The following MAPK1IP1L variants were observed in gnomAD, a reference collection of about 807,000 sequenced individuals.
The protein encoded by MAPK1IP1L is mitogen-activated protein kinase 1 interacting protein 1 like.
A neutral mutation model predicts 18.1 loss-of-function variants in MAPK1IP1L; 10 were observed. The observed-to-expected ratio is 0.55, with a 90% confidence interval of 0.34 to 0.94. The LOEUF (loss-of-function observed/expected upper bound fraction) is 0.94. Ranked by LOEUF, MAPK1IP1L falls within the 40% of genes least tolerant of loss-of-function variation. The probability of loss-of-function intolerance (pLI) is 0.02; values close to 1 mark genes in which losing one functional copy is unlikely to be tolerated. For synonymous variants in MAPK1IP1L, 115 were observed against 117.3 expected, an observed-to-expected ratio of 0.98 and a Z score of 0.13; for missense variants, 260 against 318.2, an observed-to-expected ratio of 0.82 and a Z score of 1.39.
At chr14:55,055,311 TCTC>T (rs2042762684) in intron 1 of MAPK1IP1L, among the ~76,000 whole-genome samples, 2 of 152,140 alleles carry the variant, frequency 1.3e-5, no homozygotes, top group Admixed American at 6.5e-5. Flanking sequence ...GTTCTGCAAC[TCTC>T]CTCATATTGA....
rs2042861006 is a variant in MAPK1IP1L at position 55,066,243 on chromosome 14, T to C, written c.*1616T>C. 6.6e-6 allele frequency: 1 copy of C among 152,228 alleles called. No homozygotes were observed. Among genetic ancestry groups the C allele is most frequent in the Non-Finnish European group, 1.5e-5 (1 of 68,044 alleles). The allele number at this position is 152,228 out of a possible 1,614,324, so 9.4% of individuals were successfully genotyped here. On this transcript the variant is annotated 3_prime_UTR_variant, in exon 4 of 4. Transcript: ENST00000395468. ...GCTGCCAGTTTTTTGGTTTGATAGC[T>C]ACCTCCTTCTAAGAAAGCAAAATGG...
rs757107829 is a variant in MAPK1IP1L at position 55,067,064 on chromosome 14, A to ATT, written c.*2457_*2458dup. 0.11 allele frequency: 14,696 copies of ATT among 128,164 alleles called. 1,109 individuals carry two copies. Among genetic ancestry groups the ATT allele is most frequent in the Non-Finnish European group, 0.17 (9,978 of 60,268 alleles). 7.9% of individuals were successfully genotyped at this position (128,164 alleles called of 1,614,324 possible). ...AGGTGCCCGCCACCATGCCCGGCTA[A>ATT]TTTTTTTTTTTTTTTTTTTTTAGTA... On this transcript the variant is annotated 3_prime_UTR_variant, in exon 4 of 4. Transcript: ENST00000395468.
intron 3 of MAPK1IP1L, chr14:55,064,033 T>TTTG (rs1348655243): frequency 9.0e-6 from 1 of 111,292 alleles, no homozygotes; most frequent in African/African-American, 4.1e-5. Flanking sequence ...TTTTTTTTTT[T>TTTG]GAGACAGTCT....
At chr14:55,059,598 A>G (rs1379643985) in intron 1 of MAPK1IP1L, among the ~76,000 whole-genome samples, 1 of 152,258 alleles carries the variant, frequency 6.6e-6, no homozygotes, top group African/African-American at 2.4e-5. Flanking sequence ...TAAAGTCCAC[A>G]ATATCTGTGG....
intron 2 of MAPK1IP1L, among the ~76,000 whole-genome samples, chr14:55,062,025 G>C (rs905469407): frequency 4.6e-5 from 7 of 152,210 alleles, no homozygotes; most frequent in African/African-American, 7.2e-5. Flanking sequence ...AGTTTACTGA[G>C]ATAATAGCAT....
At chr14:55,058,921 T>G (rs1435645539) in intron 1 of MAPK1IP1L, among the ~76,000 whole-genome samples, 1 of 151,698 alleles carries the variant, frequency 6.6e-6, no homozygotes, top group Non-Finnish European at 1.5e-5. Context: ...CTTTTAAGTA[T>G]TATAAATAAT....
rs771016615 is a variant in MAPK1IP1L at position 55,051,696 on chromosome 14, C to A, written c.-112C>A. On this transcript the variant is annotated 5_prime_UTR_variant, in exon 1 of 4. Transcript: ENST00000395468. ...AGCCGCGCGCTGCTGGTGCTGTTGC[C>A]GCCGCTGCTCTAGCTGCCGTCAGTC... 5 of 516,092 alleles carry A rather than the reference C, an allele frequency of 9.7e-6. No homozygotes were observed. The highest frequency in any genetic ancestry group is 5.5e-5 in the East Asian group (1 of 18,242). 32.0% of individuals were successfully genotyped at this position (516,092 alleles called of 1,614,324 possible). A position where few individuals can be genotyped will look rare whatever the true frequency, so the allele number is the denominator to read the frequency against.
At position 55,062,829 on chromosome 14, in the gene MAPK1IP1L, C is replaced by T; in HGVS notation, c.230C>T (p.Pro77Leu). 4 of 1,614,202 alleles carry T rather than the reference C, an allele frequency of 2.5e-6. No homozygotes were observed. Among genetic ancestry groups the T allele is most frequent in the Non-Finnish European group, 3.4e-6 (4 of 1,180,044 alleles). Residue 77 changes from proline to leucine, a missense_variant, in exon 3 of 4, where the codon CCC (proline) becomes CTC (leucine). Physicochemically the swap from Pro to Leu is moderately conservative, Grantham distance 98. Transcript: ENST00000395468. ...APTGMYPSVP[P>L]TGPPPGPPAP... The stretch of plus-strand genomic sequence containing the variant: ...ACAGGAATGTATCCCTCCGTGCCTC[C>T]CACCGGACCACCTCCAGGACCCCCA...
chr14:55,058,858 CAATAAA>C (rs987321313), intron 1 of MAPK1IP1L, among the ~76,000 whole-genome samples: 3 of 150,042 alleles, frequency 2.0e-5, no homozygotes, highest in Non-Finnish European at 4.4e-5. Context: ...TTGGGGGAAA[CAATAAA>C]AATAACCATA....
At position 55,058,898 on chromosome 14, in the gene MAPK1IP1L, T is replaced by C. The variant is rs188392253; in HGVS notation, c.-4-2782T>C. Among the ~76,000 whole-genome samples, 356 of 151,636 alleles carry C rather than the reference T, an allele frequency of 2.3e-3. 2 individuals are homozygous for C. Among genetic ancestry groups the C allele is most frequent in the African/African-American group, 8.3e-3 (342 of 41,444 alleles). On this transcript the variant is annotated intron_variant, in intron 1 of 3. Coordinates refer to ENST00000395468, the MANE Select transcript of MAPK1IP1L (RefSeq NM_144578.4). ...TAGAAAATATAAGTTAATATAATTA[T>C]ATAGTATTCACACTTTTAAGTATTA...
At chr14:55,060,743 C>T (rs1376448283) in intron 1 of MAPK1IP1L, 5 of 152,164 alleles carry the variant, frequency 3.3e-5, no homozygotes, top group Non-Finnish European at 5.9e-5. Context: ...ATACAATTAT[C>T]AGAGCTTGTT....
chr14:55,070,138 C>T lies in MAPK1IP1L; in HGVS notation c.*5511C>T, dbSNP rs1440327202. 1 of 152,162 alleles carries T rather than the reference C, an allele frequency of 6.6e-6. No homozygotes were observed. The highest frequency in any genetic ancestry group is 2.1e-4 in the South Asian group (1 of 4,828). 9.4% of individuals were successfully genotyped at this position (152,162 alleles called of 1,614,324 possible). On this transcript the variant is annotated 3_prime_UTR_variant, in exon 4 of 4. Coordinates refer to ENST00000395468, the MANE Select transcript of MAPK1IP1L (RefSeq NM_144578.4). ...TTATTCAATATCCCATGAAAGTATT[C>T]ACCTAAAGTGGAGTTATGAAATGGA...
In MAPK1IP1L at chr14:55,061,680, GA is replaced by G; in HGVS notation, c.1del. ...TCCTTCATTTCTTTTCTTTTTTTAG[GA>G]AAATGTCTGATGAATTTTCGGTAAG... On this transcript the variant is annotated splice_region_variant and 5_prime_UTR_variant, in exon 2 of 4. Transcript: ENST00000395468. 2 of 1,557,126 alleles carry G rather than the reference GA, an allele frequency of 1.3e-6. No homozygotes were observed. The highest frequency in any genetic ancestry group is 1.9e-5 in the Admixed American group (1 of 53,534).
At chr14:55,055,365 G>A (rs1053172509) in intron 1 of MAPK1IP1L, among the ~76,000 whole-genome samples, 10 of 152,156 alleles carry the variant, frequency 6.6e-5, no homozygotes, top group Non-Finnish European at 1.3e-4. Flanking sequence ...TCTAATGAAA[G>A]TATTCTCCAA....
intron 2 of MAPK1IP1L, among the ~76,000 whole-genome samples, chr14:55,061,930 T>A (rs965551974): frequency 6.6e-6 from 1 of 152,228 alleles, no homozygotes; most frequent in Non-Finnish European, 1.5e-5. Context: ...AGAGTGAGAC[T>A]CTGTCTATAA....
intron 1 of MAPK1IP1L, among the ~76,000 whole-genome samples, chr14:55,061,280 A>G (rs1281141127): frequency 6.6e-6 from 1 of 152,238 alleles, no homozygotes; most frequent in East Asian, 1.9e-4. Flanking sequence ...GTAAATTGGC[A>G]TGGACTTTTC....
In MAPK1IP1L at chr14:55,061,687, T is replaced by C. The variant is rs2042819339; in HGVS notation, c.4T>C (p.Ser2Pro). ...TTTCTTTTCTTTTTTTAGGAAAATG[T>C]CTGATGAATTTTCGGTAAGTTGATC... MSDEFSLADALP... is the reference protein window; with the variant it reads MPDEFSLADALP... The change falls in exon 2 of 4, where the codon TCT (serine) becomes CCT (proline). Residue 2 changes from serine to proline, a missense_variant. Coordinates refer to ENST00000395468, the MANE Select transcript of MAPK1IP1L (RefSeq NM_144578.4). 1 of 1,566,892 alleles carries C rather than the reference T, an allele frequency of 6.4e-7. No individual in the cohort carries two copies. The highest frequency in any genetic ancestry group is 1.4e-5 in the African/African-American group (1 of 73,480).
chr14:55,065,004 T>C lies in MAPK1IP1L; in HGVS notation c.*377T>C, dbSNP rs2042851109. On this transcript the variant is annotated 3_prime_UTR_variant, in exon 4 of 4. Transcript: ENST00000395468. ...ATTGGCAAATTATTTCAAGTATTTT[T>C]CTATAATCACTTTCCCCTTCTAAAT... 1 of 172,738 alleles carries C rather than the reference T, an allele frequency of 5.8e-6. No homozygotes were observed. The highest frequency in any genetic ancestry group is 6.3e-5 in the Admixed American group (1 of 15,888). The allele number at this position is 172,738 out of a possible 1,614,324, so 10.7% of individuals were successfully genotyped here. A position where few individuals can be genotyped will look rare whatever the true frequency, so the allele number is the denominator to read the frequency against.
intron 3 of MAPK1IP1L, chr14:55,064,033 T>TTTTTTTTTTTG (rs1348655243): frequency 4.5e-5 from 5 of 111,292 alleles, no homozygotes; most frequent in African/African-American, 2.0e-4. Flanking sequence ...TTTTTTTTTT[T>TTTTTTTTTTTG]GAGACAGTCT....
Sources: gnomAD v4.1 joint callset for allele counts (sites outside exome capture counted in the v4.1 genomes callset) on GRCh38, gnomAD v4.1.1 for gene constraint, MANE v1.5 for transcripts, NCBI Gene and HGNC (gene_info 2026-07-23, HGNC 2026-07-21) for gene names.